Variants in ADARB2 observed in about 807,000 individuals in gnomAD.
ADARB2 encodes the protein adenosine deaminase RNA specific B2 (inactive).
In ADARB2, 25 loss-of-function variants were observed where a neutral mutation model predicts 62.2. That is an observed-to-expected ratio of 0.40 (90% CI 0.29 to 0.56). The LOEUF (loss-of-function observed/expected upper bound fraction) is 0.56, where lower values mean the gene tolerates loss of function less well. ADARB2 is among the 20% of genes least tolerant of loss of function. The pLI, the probability that ADARB2 is intolerant of heterozygous loss-of-function variation, is 0.43. For missense variants in ADARB2, 1,071 were observed against 1,077.4 expected, an observed-to-expected ratio of 0.99 and a Z score of 0.08; for synonymous variants, 572 against 500.8, an observed-to-expected ratio of 1.14 and a Z score of -1.90.
intron 3 of ADARB2, among the ~76,000 whole-genome samples, chr10:1,347,860 A>G (rs1342694656): frequency 6.6e-6 from 1 of 152,160 alleles, no homozygotes; most frequent in Admixed American, 6.5e-5. Flanking sequence ...AGAGAGAGGC[A>G]GTAAGAGATG....
At chr10:1,387,389 C>CTT (rs1196419079) in intron 1 of ADARB2, among the ~76,000 whole-genome samples, 1 of 151,854 alleles carries the variant, frequency 6.6e-6, no homozygotes, top group Non-Finnish European at 1.5e-5. Context: ...GAGAAAAAAA[C>CTT]TTCCATGTTT....
intron 1 of ADARB2, among the ~76,000 whole-genome samples, chr10:1,475,795 C>G (rs752356480): frequency 1.3e-5 from 2 of 152,190 alleles, no homozygotes; most frequent in South Asian, 4.1e-4. Flanking sequence ...AAATCAATTA[C>G]CCTTTGCATG....
At chr10:1,596,662 C>T (rs1588316783) in intron 1 of ADARB2, among the ~76,000 whole-genome samples, 1 of 152,248 alleles carries the variant, frequency 6.6e-6, no homozygotes, top group African/African-American at 2.4e-5. Context: ...ACCAGGGGAG[C>T]ACTGCTCAGA....
chr10:1,246,297 C>T (rs1830986212), intron 4 of ADARB2, among the ~76,000 whole-genome samples: 1 of 150,022 alleles, frequency 6.7e-6, no homozygotes, highest in Non-Finnish European at 1.5e-5. Context: ...TGCCTGTTCA[C>T]TCTGATGGTA....
At chr10:1,293,610 C>T (rs904296649) in intron 3 of ADARB2, among the ~76,000 whole-genome samples, 50 of 152,172 alleles carry the variant, frequency 3.3e-4, no homozygotes, top group African/African-American at 1.2e-3. Context: ...TCTGATAAAA[C>T]CAAAACTAAT....
rs192709772 is a variant in ADARB2, at chr10:1,517,961, T to C, written c.101-138801A>G. Among the ~76,000 whole-genome samples, 5 of 152,264 alleles carry C rather than the reference T, an allele frequency of 3.3e-5. No homozygotes were observed. In the East Asian group the frequency reaches 9.7e-4, roughly 29 times the overall value. ...ATGGCAGGCGCTCACTAAAGATTCC[T>C]TGAGTGAATGAAAGGGGGCAAAATT... On this transcript the variant is annotated intron_variant, in intron 1 of 9. Transcript: ENST00000381312.
intron 1 of ADARB2, among the ~76,000 whole-genome samples, chr10:1,568,162 C>T (rs1832882029): frequency 6.6e-6 from 1 of 152,264 alleles, no homozygotes; most frequent in African/African-American, 2.4e-5. Flanking sequence ...GCCTGAGCCG[C>T]CACTGGGGAA....
rs2131925794 is a variant in ADARB2 at position 1,482,799 on chromosome 10, T to C, written c.101-103639A>G. Among the ~76,000 whole-genome samples, 2 of 152,030 alleles carry C rather than the reference T, an allele frequency of 1.3e-5. 1 individual carries two copies. Among genetic ancestry groups the C allele is most frequent in the South Asian group, 4.2e-4 (2 of 4,786 alleles). On this transcript the variant is annotated intron_variant, in intron 1 of 9. Coordinates refer to ENST00000381312, the MANE Select transcript of ADARB2 (RefSeq NM_018702.4). ...TCAGGACTGCTTATGTGGACACTCG[T>C]GCAGGACCCTTCTTCCATCTGTGTT...
intron 4 of ADARB2, among the ~76,000 whole-genome samples, chr10:1,251,757 C>T (rs1374838326): frequency 6.6e-6 from 1 of 152,052 alleles, no homozygotes; most frequent in Non-Finnish European, 1.5e-5. Flanking sequence ...GATGAGGGCT[C>T]CACCTTCATG....
At chr10:1,205,263 TG>T (rs1656015651) in intron 7 of ADARB2, among the ~76,000 whole-genome samples, 1 of 136,874 alleles carries the variant, frequency 7.3e-6, no homozygotes, top group Non-Finnish European at 1.7e-5. Flanking sequence ...AGGGCCTTGT[TG>T]TTTTAGGGCC....
chr10:1,220,222 ATGG>A (rs1564225258), intron 6 of ADARB2, among the ~76,000 whole-genome samples: 1 of 119,284 alleles, frequency 8.4e-6, no homozygotes, highest in East Asian at 2.6e-4. Flanking sequence ...GATGATGGTG[ATGG>A]TGATGATGGT....
chr10:1,685,163 G>A (rs1834583467), intron 1 of ADARB2, among the ~76,000 whole-genome samples: 1 of 152,216 alleles, frequency 6.6e-6, no homozygotes, highest in Non-Finnish European at 1.5e-5. Flanking sequence ...CTGCCAGCCA[G>A]CAGCCCGGGG....
At chr10:1,257,745 G>T (rs936642047) in intron 4 of ADARB2, among the ~76,000 whole-genome samples, 1 of 152,218 alleles carries the variant, frequency 6.6e-6, no homozygotes, top group Non-Finnish European at 1.5e-5. Flanking sequence ...TTACCCCCAG[G>T]TTCCAACGTG....
Position 1,363,774 on chromosome 10 carries a change from A to G in ADARB2, c.331T>C (p.Cys111Arg). ...PLEEGNGGHL[C>R]KLQLVWKKLS... ...TTCTTCCAGACCAGCTGCAGTTTGC[A>G]CAAGTGGCCCCCATTCCCCTCCTCC... Residue 111 changes from cysteine (C) to arginine (R), a missense_variant, in exon 3 of 10, where the codon TGC becomes CGC. Coordinates refer to ENST00000381312, the MANE Select transcript of ADARB2 (RefSeq NM_018702.4). The G allele has an allele frequency of 6.2e-7, 1 of 1,602,472 alleles. No individual in the cohort carries two copies. Among genetic ancestry groups the G allele is most frequent in the Non-Finnish European group, 8.5e-7 (1 of 1,179,146 alleles).
At chr10:1,415,957 G>A (rs973269275) in intron 1 of ADARB2, among the ~76,000 whole-genome samples, 4 of 152,148 alleles carry the variant, frequency 2.6e-5, no homozygotes, top group Non-Finnish European at 5.9e-5. Flanking sequence ...CTCACCAGCC[G>A]TGTGATCACA....
intron 1 of ADARB2, among the ~76,000 whole-genome samples, chr10:1,471,220 C>T (rs1446560309): frequency 6.6e-6 from 1 of 152,202 alleles, no homozygotes; most frequent in Non-Finnish European, 1.5e-5. Context: ...AGGTTTTCTT[C>T]TGTTAGTACC....
intron 1 of ADARB2, among the ~76,000 whole-genome samples, chr10:1,562,503 A>C (rs1320027002): frequency 3.9e-5 from 6 of 152,214 alleles, no homozygotes; most frequent in African/African-American, 1.4e-4. Context: ...TATGCGGTGC[A>C]GTCATGAGCT....
chr10:1,577,501 C>G (rs1258238249), intron 1 of ADARB2, among the ~76,000 whole-genome samples: 1 of 152,216 alleles, frequency 6.6e-6, no homozygotes, highest in East Asian at 1.9e-4. Flanking sequence ...TCTGGTGACT[C>G]TATCCAAAAG....
chr10:1,561,931 G>A (rs561097092), intron 1 of ADARB2, among the ~76,000 whole-genome samples: 2 of 152,314 alleles, frequency 1.3e-5, no homozygotes, highest in East Asian at 3.9e-4. Context: ...CTGATGCCTA[G>A]AAGCCCTGGA....
Sources: gnomAD v4.1 joint callset for allele counts (sites outside exome capture counted in the v4.1 genomes callset) on GRCh38, gnomAD v4.1.1 for gene constraint, MANE v1.5 for transcripts, NCBI Gene and HGNC (gene_info 2026-07-23, HGNC 2026-07-21) for gene names.